The following AP3S2 variants were observed in gnomAD, a reference collection of about 807,000 sequenced individuals.
The protein encoded by AP3S2 is AP-3 complex subunit sigma-2.
A neutral mutation model predicts 23.4 loss-of-function variants in AP3S2; 22 were observed. The observed-to-expected ratio is 0.94, with a 90% CI of 0.67 to 1.34. The LOEUF (loss-of-function observed/expected upper bound fraction) is 1.34, where lower values mean the gene tolerates loss of function less well. Ranked by LOEUF, AP3S2 falls within the 40% of genes most tolerant of loss-of-function variation. AP3S2 has a pLI of 0.00. For missense variants in AP3S2, 241 were observed against 236.9 expected, an observed-to-expected ratio of 1.02 and a Z score of -0.11; for synonymous variants, 86 against 87.1, an observed-to-expected ratio of 0.99 and a Z score of 0.07.
chr15:89,868,230 C>A (rs1455963260), intron 4 of AP3S2, among the ~76,000 whole-genome samples: 8 of 53,894 alleles, frequency 1.5e-4, no homozygotes, highest in Non-Finnish European at 2.2e-4. Flanking sequence ...GTCAGCCCTC[C>A]GCCCGGCCAG....
rs1295096975 is a variant in AP3S2, at chr15:89,832,599, C to T, written c.*2916G>A. On this transcript the variant is annotated 3_prime_UTR_variant, in exon 6 of 6. Transcript: ENST00000336418. ...TGCCTCCCGGGTTCATGCCATTCTC[C>T]TGCCGCAGCCTCCTGAGTAGCTGGG... The T allele has an allele frequency of 1.3e-5, 2 of 150,958 alleles. No homozygotes were observed. The highest frequency in any genetic ancestry group is 4.9e-5 in the African/African-American group (2 of 40,934). 9.4% of individuals were successfully genotyped at this position (150,958 alleles called of 1,614,324 possible). A position where few individuals can be genotyped will look rare whatever the true frequency, so the allele number is the denominator to read the frequency against.
At chr15:89,843,780 C>T (rs1191959785) in intron 4 of AP3S2, among the ~76,000 whole-genome samples, 2 of 152,244 alleles carry the variant, frequency 1.3e-5, no homozygotes, top group East Asian at 3.9e-4. Flanking sequence ...TGCACTCCAG[C>T]CTGGGCAACA....
intron 4 of AP3S2, among the ~76,000 whole-genome samples, chr15:89,840,084 T>A (rs1895291455): frequency 6.6e-6 from 1 of 152,126 alleles, no homozygotes; most frequent in Non-Finnish European, 1.5e-5. Flanking sequence ...TATTGTTTAA[T>A]GTGTACAGAG....
At chr15:89,876,125 A>C (rs563314748) in intron 3 of AP3S2, among the ~76,000 whole-genome samples, 19 of 152,344 alleles carry the variant, frequency 1.2e-4, no homozygotes, top group African/African-American at 4.1e-4. Flanking sequence ...AAGCAGGAAA[A>C]GAAAACCATG....
intron 3 of AP3S2, among the ~76,000 whole-genome samples, chr15:89,874,127 GTT>G (rs10602688): frequency 0.7 from 102,511 of 146,884 alleles, 35,796 homozygotes; most frequent in East Asian, 0.8. Flanking sequence ...AGGGTTTTGG[GTT>G]TTTTTTTTTT....
chr15:89,883,743 G>C (rs1896627632), intron 3 of AP3S2, among the ~76,000 whole-genome samples: 1 of 152,232 alleles, frequency 6.6e-6, no homozygotes, highest in South Asian at 2.1e-4. Context: ...CATTGGCTCT[G>C]GTTCTTGGCT....
intron 4 of AP3S2, among the ~76,000 whole-genome samples, chr15:89,848,428 T>A (rs1315125925): frequency 6.6e-6 from 1 of 152,266 alleles, no homozygotes; most frequent in Non-Finnish European, 1.5e-5. Context: ...TGGCGTGATC[T>A]TGGCTCACTG....
intron 4 of AP3S2, among the ~76,000 whole-genome samples, chr15:89,868,618 G>A (rs1448034221): frequency 2.6e-5 from 3 of 114,340 alleles, no homozygotes; most frequent in East Asian, 2.9e-4. Context: ...GGTGAGGGGC[G>A]CCTCTGCCCG....
chr15:89,856,204 G>A (rs376617574), intron 4 of AP3S2, among the ~76,000 whole-genome samples: 24 of 152,210 alleles, frequency 1.6e-4, no homozygotes, highest in East Asian at 9.7e-4. Context: ...AGCCCACCCC[G>A]AAACTAGCCA....
At chr15:89,872,301 T>G (rs1175254568) in intron 3 of AP3S2, among the ~76,000 whole-genome samples, 3 of 152,144 alleles carry the variant, frequency 2.0e-5, no homozygotes, top group African/African-American at 7.2e-5. Flanking sequence ...CCTTTTTAAT[T>G]TTTTTGGTCA....
At chr15:89,878,807 C>T (rs1896502374) in intron 3 of AP3S2, among the ~76,000 whole-genome samples, 1 of 152,182 alleles carries the variant, frequency 6.6e-6, no homozygotes, top group African/African-American at 2.4e-5. Flanking sequence ...AGTGCAGTGG[C>T]ATGATCTCGG....
chr15:89,870,341 T>C (rs1217507437), intron 4 of AP3S2, among the ~76,000 whole-genome samples: 1 of 152,106 alleles, frequency 6.6e-6, no homozygotes, highest in Non-Finnish European at 1.5e-5. Flanking sequence ...CTCAAAAGCA[T>C]CAGTAAATAC....
At chr15:89,886,950 A>G (rs1366680596) in intron 3 of AP3S2, among the ~76,000 whole-genome samples, 4 of 152,156 alleles carry the variant, frequency 2.6e-5, no homozygotes, top group Admixed American at 2.6e-4. Context: ...ATATGCCACC[A>G]GGCCCAGCTA....
chr15:89,871,614 A>G, intron 3 of AP3S2, 68 bp from the exon 4 acceptor site: 1 of 1,522,136 alleles, frequency 6.6e-7, no homozygotes, highest in Non-Finnish European at 9.0e-7. Context: ...TCAATGTCAC[A>G]TCTGAAAGTA....
intron 4 of AP3S2, among the ~76,000 whole-genome samples, chr15:89,860,737 T>C (rs527469590): frequency 6.6e-6 from 1 of 152,148 alleles, no homozygotes. Flanking sequence ...AAAAAAAAAT[T>C]CTGCCACAAA....
chr15:89,835,825 C>T (rs1208299007), intron 5 of AP3S2, among the ~76,000 whole-genome samples, 182 bp from the exon 6 acceptor site: 1 of 151,712 alleles, frequency 6.6e-6, no homozygotes, highest in South Asian at 2.1e-4. Context: ...GTCAGGAGTT[C>T]GAGATAGGCC....
chr15:89,885,702 G>A (rs1272805411), intron 3 of AP3S2, among the ~76,000 whole-genome samples: 1 of 151,964 alleles, frequency 6.6e-6, no homozygotes, highest in Admixed American at 6.6e-5. Context: ...AGCAATTTGG[G>A]AGGCCAAAGT....
chr15:89,835,218 G>GCCAAGTCA lies in AP3S2; in HGVS notation c.*296_*297insTGACTTGG. On this transcript the variant is annotated 3_prime_UTR_variant, in exon 6 of 6. Coordinates refer to ENST00000336418, the MANE Select transcript of AP3S2 (RefSeq NM_005829.5). ...GGGAGCATCCATGTGAGAGGTAAAG[G>GCCAAGTCA]TGCAAATGACTTGGGCATGTTGACT... 2.0e-6 allele frequency: 1 copy of GCCAAGTCA among 489,360 alleles called. No individual in the cohort carries two copies. The highest frequency in any genetic ancestry group is 3.8e-5 in the South Asian group (1 of 26,300). The allele number at this position is 489,360 out of a possible 1,614,324, so 30.3% of individuals were successfully genotyped here.
rs575477281 is a variant in AP3S2 at position 89,845,859 on chromosome 15, T to TCC, written c.346-8138_346-8137insGG. The TCC allele has an allele frequency of 2.6e-5, 4 of 152,318 alleles. No homozygotes were observed. The East Asian group carries it at 7.7e-4, about 29-fold the overall frequency. 9.4% of individuals were successfully genotyped at this position (152,318 alleles called of 1,614,324 possible). On this transcript the variant is annotated intron_variant, in intron 4 of 5. Transcript: ENST00000336418. Reference sequence around the variant, plus strand: ...AAGTAATAATAATTCAACCTTCTACTCAGCAAGCATGGGAAATAATGACAC... The same window carrying TCC: ...AAGTAATAATAATTCAACCTTCTACTCCCAGCAAGCATGGGAAATAATGACAC...
Sources: allele counts gnomAD v4.1 joint callset (sites outside exome capture counted in the v4.1 genomes callset), GRCh38; gene constraint gnomAD v4.1.1; transcripts MANE v1.5; gene names NCBI Gene and HGNC (gene_info 2026-07-23, HGNC 2026-07-21).